The following AUTS2 variants were observed in gnomAD, a reference collection of about 807,000 sequenced individuals.
AUTS2 encodes the protein activator of transcription and developmental regulator AUTS2.
In AUTS2, 17 loss-of-function variants were observed where a neutral mutation model predicts 112.4. The ratio of observed to expected loss-of-function variants is 0.15; its 90% CI spans 0.10 to 0.23. The LOEUF is 0.23. Ranked by LOEUF, AUTS2 falls within the 10% of genes least tolerant of loss-of-function variation. The probability of loss-of-function intolerance (pLI) is 1.00; values close to 1 mark genes in which losing one functional copy is unlikely to be tolerated. For missense variants in AUTS2, 1,510 were observed against 1,701.6 expected (o/e 0.89, Z 1.98); for synonymous variants, 751 against 702.7 (o/e 1.07, Z -1.09).
intron 2 of AUTS2, among the ~76,000 whole-genome samples, chr7:69,986,072 A>G (rs1025352885): frequency 6.6e-6 from 1 of 152,048 alleles, no homozygotes; most frequent in African/African-American, 2.4e-5. Context: ...CGCTTTACTT[A>G]TGTCTTACTC....
chr7:70,671,622 A>G lies in AUTS2; in HGVS notation c.691-26947A>G, dbSNP rs546239880. Reference sequence around the variant, plus strand: ...TGCTTTGCAAGAGACCAGGCACCACAGTTTCCTCCTATCAGCCTGGGCATG... The same window carrying G: ...TGCTTTGCAAGAGACCAGGCACCACGGTTTCCTCCTATCAGCCTGGGCATG... On this transcript the variant is annotated intron_variant, in intron 5 of 18. Coordinates refer to ENST00000342771, the MANE Select transcript of AUTS2 (RefSeq NM_015570.4). Among the ~76,000 whole-genome samples the G allele has an allele frequency of 3.9e-5, 6 of 152,274 alleles. No homozygotes were observed. The East Asian group carries it at 9.7e-4, about 25-fold the overall frequency.
chr7:70,715,700 T>A (rs1442007772), intron 6 of AUTS2, among the ~76,000 whole-genome samples: 1 of 152,028 alleles, frequency 6.6e-6, no homozygotes, highest in East Asian at 1.9e-4. Flanking sequence ...CCCAGCTAAT[T>A]TTTGTATTTT....
chr7:70,726,919 T>C (rs1019039635), intron 6 of AUTS2, among the ~76,000 whole-genome samples: 2 of 152,188 alleles, frequency 1.3e-5, no homozygotes, highest in African/African-American at 4.8e-5. Flanking sequence ...TTCTCTTTCC[T>C]CTCAGCTTTT....
intron 4 of AUTS2, among the ~76,000 whole-genome samples, chr7:70,239,277 C>G (rs1242071934): frequency 6.6e-6 from 1 of 152,176 alleles, no homozygotes; most frequent in African/African-American, 2.4e-5. Flanking sequence ...CCAGGCCCTA[C>G]TACCTACTCT....
chr7:70,533,953 A>T (rs1208530161), intron 5 of AUTS2, among the ~76,000 whole-genome samples: 1 of 152,212 alleles, frequency 6.6e-6, no homozygotes, highest in African/African-American at 2.4e-5. Context: ...CACTCTGCCT[A>T]CACAATGGTT....
At chr7:70,610,869 A>G (rs1804057400) in intron 5 of AUTS2, among the ~76,000 whole-genome samples, 1 of 152,074 alleles carries the variant, frequency 6.6e-6, no homozygotes, top group Non-Finnish European at 1.5e-5. Context: ...TGAATTCCTA[A>G]TCTATTTTGG....
intron 5 of AUTS2, among the ~76,000 whole-genome samples, chr7:70,518,952 C>T (rs1230371402): frequency 1.3e-5 from 2 of 152,072 alleles, no homozygotes; most frequent in African/African-American, 4.8e-5. Context: ...GATCTGCCCA[C>T]CTCAGCTTCC....
intron 5 of AUTS2, among the ~76,000 whole-genome samples, chr7:70,558,104 CA>C (rs1801324517): frequency 6.6e-6 from 1 of 152,092 alleles, no homozygotes; most frequent in Non-Finnish European, 1.5e-5. Context: ...CTTCCATAAG[CA>C]CAGGGACACC....
At chr7:69,804,820 A>G (rs192275948) in intron 1 of AUTS2, among the ~76,000 whole-genome samples, 63 of 152,334 alleles carry the variant, frequency 4.1e-4, no homozygotes, top group Admixed American at 7.2e-4. Flanking sequence ...TATCATCATC[A>G]TCTGGGAACT....
At chr7:70,129,802 T>C (rs1806175155) in intron 3 of AUTS2, among the ~76,000 whole-genome samples, 1 of 152,108 alleles carries the variant, frequency 6.6e-6, no homozygotes. Flanking sequence ...GACGTAGCAT[T>C]TTTCCCACCT....
chr7:70,724,040 T>C (rs1786858816), intron 6 of AUTS2, among the ~76,000 whole-genome samples: 1 of 152,018 alleles, frequency 6.6e-6, no homozygotes, highest in Non-Finnish European at 1.5e-5. Context: ...TATGGGCACC[T>C]GCCACCACAC....
intron 5 of AUTS2, among the ~76,000 whole-genome samples, chr7:70,512,102 T>C (rs1259678942): frequency 6.6e-6 from 1 of 152,190 alleles, no homozygotes; most frequent in Non-Finnish European, 1.5e-5. Context: ...TGTGACCTTT[T>C]CCTGTTTCAG....
chr7:69,865,108 T>G (rs533977794), intron 1 of AUTS2, among the ~76,000 whole-genome samples: 1 of 151,958 alleles, frequency 6.6e-6, no homozygotes, highest in Admixed American at 6.6e-5. Flanking sequence ...GGTAGGTTTT[T>G]TTTTTTTTTT....
chr7:70,088,715 C>T lies in AUTS2; in HGVS notation c.523-29417C>T, dbSNP rs1249169469. On this transcript the variant is annotated intron_variant, in intron 2 of 18. Coordinates refer to ENST00000342771, the MANE Select transcript of AUTS2 (RefSeq NM_015570.4). ...GCAACCTCCGCCTCCCAGGTTCAAG[C>T]GATTCTCCTGCCTCAGCCTCCCAAG... 1.2e-4 allele frequency among the ~76,000 whole-genome samples: 18 copies of T among 151,582 alleles called. 1 individual carries two copies. The South Asian group carries it at 1.9e-3, about 16-fold the overall frequency.
chr7:70,659,229 C>T (rs1030416636), intron 5 of AUTS2, among the ~76,000 whole-genome samples: 1 of 152,222 alleles, frequency 6.6e-6, no homozygotes, highest in South Asian at 2.1e-4. Flanking sequence ...GCGGCCCTTG[C>T]AGGATATCAC....
chr7:70,451,128 G>C (rs1184963360), intron 5 of AUTS2, among the ~76,000 whole-genome samples: 1 of 152,144 alleles, frequency 6.6e-6, no homozygotes, highest in Non-Finnish European at 1.5e-5. Context: ...AGGCCAGCCA[G>C]AACACTGGGA....
intron 4 of AUTS2, among the ~76,000 whole-genome samples, chr7:70,214,838 A>G (rs1452352352): frequency 6.6e-6 from 1 of 152,230 alleles, no homozygotes; most frequent in Non-Finnish European, 1.5e-5. Flanking sequence ...GTTATTGAGA[A>G]AGAAAACTCT....
At chr7:69,941,636 T>C (rs907873694) in intron 2 of AUTS2, among the ~76,000 whole-genome samples, 5 of 152,196 alleles carry the variant, frequency 3.3e-5, no homozygotes, top group African/African-American at 1.2e-4. Flanking sequence ...ATTTTGATAT[T>C]TGATCAAACT....
intron 4 of AUTS2, among the ~76,000 whole-genome samples, chr7:70,174,992 T>G (rs10251306): frequency 1.3e-5 from 2 of 151,926 alleles, no homozygotes; most frequent in Non-Finnish European, 2.9e-5. Flanking sequence ...TCATAAGGCT[T>G]TAGCCACCGT....
Sources: allele counts gnomAD v4.1 joint callset (sites outside exome capture counted in the v4.1 genomes callset), GRCh38; gene constraint gnomAD v4.1.1; transcripts MANE v1.5; gene names NCBI Gene and HGNC (gene_info 2026-07-23, HGNC 2026-07-21).